Variants in NUP210L observed in about 807,000 individuals in gnomAD.
NUP210L encodes nuclear pore membrane glycoprotein 210-like.
A neutral mutation model predicts 208.5 loss-of-function variants in NUP210L; 74 were observed. The ratio of observed to expected loss-of-function variants is 0.35; its 90% CI spans 0.29 to 0.43. The LOEUF is 0.43. Among genes scored for constraint, NUP210L ranks in the 20% least tolerant of loss-of-function variants. The pLI, the probability that NUP210L is intolerant of heterozygous loss-of-function variation, is 1.00. For missense variants in NUP210L, 1,843 were observed against 2,289.4 expected, an observed-to-expected ratio of 0.81 and a Z score of 3.98; for synonymous variants, 780 against 816.9, an observed-to-expected ratio of 0.95 and a Z score of 0.77.
intron 12 of NUP210L, among the ~76,000 whole-genome samples, chr1:154,110,253 A>C (rs1656976141): frequency 6.6e-6 from 1 of 150,454 alleles, no homozygotes; most frequent in South Asian, 2.1e-4. Flanking sequence ...AAAAGGTAGA[A>C]AAACTTGAAA....
At chr1:154,037,819 T>C (rs1232963636) in intron 27 of NUP210L, among the ~76,000 whole-genome samples, 1 of 152,158 alleles carries the variant, frequency 6.6e-6, no homozygotes, top group Non-Finnish European at 1.5e-5. Context: ...GGTTTCACCA[T>C]GTTGGCAAGG....
At chr1:154,016,601 A>T (rs1371980910) in intron 33 of NUP210L, among the ~76,000 whole-genome samples, 1 of 151,964 alleles carries the variant, frequency 6.6e-6, no homozygotes, top group African/African-American at 2.4e-5. Context: ...AGCTTTCTAT[A>T]TTCACTGTCT....
At chr1:154,108,504 A>T (rs1157457676) in intron 12 of NUP210L, among the ~76,000 whole-genome samples, 3 of 151,848 alleles carry the variant, frequency 2.0e-5, no homozygotes, top group Non-Finnish European at 4.4e-5. Context: ...CTAATTTGTT[A>T]GTTTGTTTAT....
chr1:154,001,988 G>A lies in NUP210L; in HGVS notation c.4931-3C>T. 1 of 1,606,238 alleles carries A rather than the reference G, an allele frequency of 6.2e-7. No individual in the cohort carries two copies. The highest frequency in any genetic ancestry group is 8.5e-7 in the Non-Finnish European group (1 of 1,176,622). ...CTTGATTATGCAGACATAAACCCCT[G>A]GAAAAAAAAGAGGAAAAACTGAGCA... On this transcript the variant is annotated splice_polypyrimidine_tract_variant and splice_region_variant and intron_variant, in intron 35 of 39. Transcript: ENST00000368559.
chr1:154,129,742 G>A (rs767219821), intron 7 of NUP210L, among the ~76,000 whole-genome samples: 13 of 152,218 alleles, frequency 8.5e-5, no homozygotes, highest in Non-Finnish European at 1.0e-4. Context: ...TGTTGATGGA[G>A]GCAGAGGGAG....
chr1:154,103,861 G>T (rs950137914), intron 13 of NUP210L, 151 bp downstream of exon 13: 7 of 608,258 alleles, frequency 1.2e-5, no homozygotes, highest in Non-Finnish European at 2.0e-5. Flanking sequence ...GTATTATAAA[G>T]AAAAGTAATA....
intron 35 of NUP210L, among the ~76,000 whole-genome samples, chr1:154,003,584 C>CCTTGAATT (rs1291503724): frequency 6.6e-6 from 1 of 151,982 alleles, no homozygotes; most frequent in Non-Finnish European, 1.5e-5. Context: ...CTCACTGAAA[C>CCTTGAATT]CTTGAATTCT....
intron 27 of NUP210L, among the ~76,000 whole-genome samples, chr1:154,032,848 G>A (rs773086705): frequency 6.6e-6 from 1 of 151,560 alleles, no homozygotes; most frequent in Non-Finnish European, 1.5e-5. Context: ...AACCTGGGAG[G>A]TGGAGCTTGC....
intron 10 of NUP210L, among the ~76,000 whole-genome samples, chr1:154,124,631 T>C (rs1657787673): frequency 6.6e-6 from 1 of 152,198 alleles, no homozygotes; most frequent in Non-Finnish European, 1.5e-5. Flanking sequence ...AATTGGCATA[T>C]GAAACCTTTG....
At chr1:154,101,167 T>G (rs2148064146) in intron 13 of NUP210L, among the ~76,000 whole-genome samples, 1 of 75,270 alleles carries the variant, frequency 1.3e-5, no homozygotes, top group South Asian at 5.5e-4. Context: ...AGTGAAACTC[T>G]GTCTCAAAAA....
At chr1:154,109,303 T>C (rs1375020728) in intron 12 of NUP210L, among the ~76,000 whole-genome samples, 1 of 151,486 alleles carries the variant, frequency 6.6e-6, no homozygotes, top group Non-Finnish European at 1.5e-5. Flanking sequence ...AAGAAGGCCA[T>C]TATGTAATGA....
chr1:154,036,296 G>A (rs1652536926), intron 27 of NUP210L, among the ~76,000 whole-genome samples: 1 of 136,794 alleles, frequency 7.3e-6, no homozygotes, highest in South Asian at 2.5e-4. Flanking sequence ...TTTATTTAAT[G>A]TATAGGACAG....
At chr1:154,120,161 T>A (rs1657541094) in intron 10 of NUP210L, among the ~76,000 whole-genome samples, 1 of 152,230 alleles carries the variant, frequency 6.6e-6, no homozygotes. Flanking sequence ...GGAGCATTTT[T>A]TCATGTGTCT....
At chr1:154,008,428 T>G (rs9427318) in intron 35 of NUP210L, among the ~76,000 whole-genome samples, 85,965 of 151,818 alleles carry the variant, frequency 0.57, 25,237 homozygotes, top group East Asian at 0.95. Flanking sequence ...AACAAAAATG[T>G]CTGGGCACGG....
intron 33 of NUP210L, among the ~76,000 whole-genome samples, chr1:154,016,417 TA>T (rs927685375): frequency 9.9e-5 from 15 of 152,044 alleles, no homozygotes; most frequent in African/African-American, 3.6e-4. Flanking sequence ...AATATTTCAT[TA>T]AAAAAATCCC....
At chr1:154,130,047 A>G (rs1459157964) in intron 7 of NUP210L, among the ~76,000 whole-genome samples, 2 of 152,114 alleles carry the variant, frequency 1.3e-5, no homozygotes, top group African/African-American at 4.8e-5. Flanking sequence ...GCTCTGAGAA[A>G]CACATAACTG....
chr1:154,018,783 T>G, intron 33 of NUP210L, 150 bp downstream of exon 33: 1 of 818,198 alleles, frequency 1.2e-6, no homozygotes, highest in South Asian at 1.8e-5. Context: ...TGAACACTGT[T>G]TAGCTTTGTG....
chr1:154,032,440 C>G (rs989419287), intron 27 of NUP210L, among the ~76,000 whole-genome samples: 1 of 151,806 alleles, frequency 6.6e-6, no homozygotes, highest in Non-Finnish European at 1.5e-5. Context: ...ATTTGCATTT[C>G]TCTGATGATC....
At chr1:154,081,656 ATAAT>A (rs1162086823) in intron 16 of NUP210L, among the ~76,000 whole-genome samples, 4 of 152,202 alleles carry the variant, frequency 2.6e-5, no homozygotes, top group Non-Finnish European at 4.4e-5. Flanking sequence ...TCATGTTTAC[ATAAT>A]TAATCATGTT....
Sources: allele counts gnomAD v4.1 joint callset (sites outside exome capture counted in the v4.1 genomes callset), GRCh38; gene constraint gnomAD v4.1.1; transcripts MANE v1.5; gene names NCBI Gene and HGNC (gene_info 2026-07-23, HGNC 2026-07-21).